LIN37: variants seen among roughly 807,000 people sequenced by gnomAD.
LIN37 encodes lin-37 DREAM MuvB core complex component.
In LIN37, 21 loss-of-function variants were observed where a neutral mutation model predicts 38.0. That is an observed-to-expected ratio of 0.55 (90% CI 0.39 to 0.80). The LOEUF (loss-of-function observed/expected upper bound fraction) is 0.80. LIN37 is among the 30% of genes least tolerant of loss of function. The pLI is 0.00. For synonymous variants in LIN37, 126 were observed against 122.9 expected, an observed-to-expected ratio of 1.03 and a Z score of -0.17; for missense variants, 273 against 338.5, an observed-to-expected ratio of 0.81 and a Z score of 1.52.
chr19:35,752,723 T>C, intron 3 of LIN37, 81 bp from the exon 4 acceptor site: 1 of 1,541,874 alleles, frequency 6.5e-7, no homozygotes. Flanking sequence ...GCATCTCAGG[T>C]TTGATACCAG....
Position 35,752,375 on chromosome 19 carries a change from G to T in LIN37, c.111-59G>T, listed in dbSNP as rs767532937. 10 of 1,597,728 alleles carry T rather than the reference G, an allele frequency of 6.3e-6. No individual in the cohort carries two copies. In the East Asian group the frequency reaches 2.0e-4, roughly 32 times the overall value. On this transcript the variant is annotated intron_variant, in intron 2 of 8. Transcript: ENST00000301159. The stretch of plus-strand genomic sequence containing the variant: ...AAGGTGCTTAATGGGGAGGCTGCTC[G>T]GTGCCTTCCTTCTCTGGGGCCCTGG...
intron 1 of LIN37, among the ~76,000 whole-genome samples, chr19:35,749,639 CA>C (rs58819437): frequency 0.12 from 14,738 of 122,848 alleles, 814 homozygotes; most frequent in Admixed American, 0.12. Context: ...ATAAAAAATA[CA>C]AAAAAAAAAA....
intron 3 of LIN37, 73 bp downstream of exon 3, chr19:35,752,557 C>A: frequency 2.0e-6 from 3 of 1,512,056 alleles, no homozygotes; most frequent in East Asian, 2.3e-5. Context: ...AAGCCCTGAC[C>A]GCTCAGCCCA....
chr19:35,754,184 TATGGGGCAC>T (rs751662344), intron 7 of LIN37, 27 bp downstream of exon 7: 3 of 1,613,942 alleles, frequency 1.9e-6, no homozygotes, highest in Non-Finnish European at 2.5e-6. Flanking sequence ...GGCCCAGGGT[TATGGGGCAC>T]ATGCGGTAGG....
At chr19:35,748,989 G>T in intron 1 of LIN37, 1 of 1,387,316 alleles carries the variant, frequency 7.2e-7, no homozygotes, top group South Asian at 1.5e-5. Context: ...GTGCGTGGTA[G>T]GACATGGGGA....
chr19:35,752,702 G>A, intron 3 of LIN37, 102 bp from the exon 4 acceptor site: 1 of 1,481,664 alleles, frequency 6.7e-7, no homozygotes, highest in Admixed American at 1.9e-5. Flanking sequence ...AGGCAAGTGG[G>A]GTTCATGTGA....
At chr19:35,752,297 G>T in intron 2 of LIN37, 46 bp downstream of exon 2, 4 of 1,583,886 alleles carry the variant, frequency 2.5e-6, no homozygotes, top group Non-Finnish European at 2.6e-6. Context: ...GGTGGGTTGG[G>T]CCCTCTGATC....
At chr19:35,751,199 T>G (rs1185047625) in intron 1 of LIN37, among the ~76,000 whole-genome samples, 1 of 151,758 alleles carries the variant, frequency 6.6e-6, no homozygotes, top group East Asian at 1.9e-4. Context: ...CGGGCGCCTG[T>G]AATCCCAGCT....
chr19:35,752,319 G>T (rs1467440372), intron 2 of LIN37, 68 bp downstream of exon 2: 40 of 1,575,236 alleles, frequency 2.5e-5, no homozygotes, highest in Non-Finnish European at 3.3e-5. Flanking sequence ...TGGGTGGATT[G>T]GGTGGGACCC....
In LIN37 at chr19:35,754,121, A is replaced by C; in HGVS notation, c.549A>C (p.Pro183=). 1 of 1,613,934 alleles carries C rather than the reference A, an allele frequency of 6.2e-7. No homozygotes were observed. The change falls in exon 7 of 9, where the codon CCA becomes CCC. Residue 183 remains proline (P), a synonymous_variant. Coordinates refer to ENST00000301159, the MANE Select transcript of LIN37 (RefSeq NM_019104.3). ...GDACRSRIPS[P]LQPEMQGTPD... ...CCTGCAGATCCCGCATCCCATCTCC[A>C]CTGCAGCCTGAGATGCAGGGCACCC... is the stretch of plus-strand genomic sequence containing the variant.
At chr19:35,752,131 C>T (rs1970686494) in intron 1 of LIN37, 45 bp from the exon 2 acceptor site, 3 of 1,475,268 alleles carry the variant, frequency 2.0e-6, no homozygotes, top group African/African-American at 2.8e-5. Context: ...GCCCACCTAG[C>T]TGGGGCCTGG....
At chr19:35,752,277 C>T (rs371566474) in intron 2 of LIN37, 26 bp downstream of exon 2, 324 of 1,595,974 alleles carry the variant, frequency 2.0e-4, no homozygotes, top group African/African-American at 1.6e-3. Flanking sequence ...GTCACAGGGC[C>T]GGGCACCCTG....
At chr19:35,753,350 GAC>G in intron 6 of LIN37, 97 bp downstream of exon 6, 3 of 1,366,168 alleles carry the variant, frequency 2.2e-6, no homozygotes, top group Non-Finnish European at 3.0e-6. Context: ...GGGATAGACA[GAC>G]ACAGGTCCCT....
Position 35,754,177 on chromosome 19 carries a change from C to A in LIN37, c.585+20C>A. 1 of 1,613,966 alleles carries A rather than the reference C, an allele frequency of 6.2e-7. No individual in the cohort carries two copies. The highest frequency in any genetic ancestry group is 8.5e-7 in the Non-Finnish European group (1 of 1,179,856). ...GATGAGGTGAGTATGCCAGGCTGGC[C>A]CAGGGTTATGGGGCACATGCGGTAG... is the stretch of plus-strand genomic sequence containing the variant. On this transcript the variant is annotated intron_variant, in intron 7 of 8. Coordinates refer to ENST00000301159, the MANE Select transcript of LIN37 (RefSeq NM_019104.3).
rs115938070 is a variant in LIN37 at position 35,750,588 on chromosome 19, G to A, written c.35-1588G>A. Among the ~76,000 whole-genome samples, 840 of 152,328 alleles carry A rather than the reference G, an allele frequency of 5.5e-3. 2 individuals carry two copies. Among genetic ancestry groups the A allele is most frequent in the African/African-American group, 0.018 (767 of 41,570 alleles). Reference sequence around the variant, plus strand: ...TCTGTGATGACGGGAGGCAGCCACAGGCTAACTGGGCAGGAAGGTGGGCCT... The same window carrying A: ...TCTGTGATGACGGGAGGCAGCCACAAGCTAACTGGGCAGGAAGGTGGGCCT... On this transcript the variant is annotated intron_variant, in intron 1 of 8. Transcript: ENST00000301159.
At chr19:35,752,286 T>G in intron 2 of LIN37, 35 bp downstream of exon 2, 1 of 1,589,834 alleles carries the variant, frequency 6.3e-7, no homozygotes. Context: ...CCGGGCACCC[T>G]GGTGGGTTGG....
chr19:35,754,018 G>C lies in LIN37; in HGVS notation c.446G>C (p.Gly149Ala). ...PLPPLPEDEE[G>A]SEVTNSKSRD... ...GGCATGGGGCCCTTGTGTCCCCAGG[G>C]CTCAGAGGTAACCAACAGCAAGAGT... The change falls in exon 7 of 9, where the codon GGC (glycine) becomes GCC (alanine). Residue 149 changes from glycine (G) to alanine (A), a missense_variant and splice_region_variant. By Grantham distance (60) the Gly-to-Ala change is moderately conservative. Coordinates refer to ENST00000301159, the MANE Select transcript of LIN37 (RefSeq NM_019104.3). 4 of 1,613,300 alleles carry C rather than the reference G, an allele frequency of 2.5e-6. No individual in the cohort carries two copies. Among genetic ancestry groups the C allele is most frequent in the African/African-American group, 1.3e-5 (1 of 75,020 alleles).
chr19:35,750,106 T>G (rs1599735643), intron 1 of LIN37, among the ~76,000 whole-genome samples: 1 of 127,792 alleles, frequency 7.8e-6, no homozygotes. Flanking sequence ...AGGGAGGAGG[T>G]GGGTGGGAGA....
chr19:35,753,821 CAG>C (rs1219060620), intron 6 of LIN37, 194 bp from the exon 7 acceptor site: 3 of 616,876 alleles, frequency 4.9e-6, no homozygotes, highest in South Asian at 3.9e-5. Context: ...TAGGAGAAGA[CAG>C]GGGTCCCTGG....
Sources: allele counts gnomAD v4.1 joint callset (sites outside exome capture counted in the v4.1 genomes callset), GRCh38; gene constraint gnomAD v4.1.1; transcripts MANE v1.5; gene names NCBI Gene and HGNC (gene_info 2026-07-23, HGNC 2026-07-21).